OLFM3: variants seen among roughly 807,000 people sequenced by gnomAD.
The protein encoded by OLFM3 is noelin-3.
Under a neutral mutation model 48.6 loss-of-function variants are expected in OLFM3, and 20 were observed. The ratio of observed to expected loss-of-function variants is 0.41; its 90% confidence interval spans 0.29 to 0.60. The LOEUF (loss-of-function observed/expected upper bound fraction) is 0.60. OLFM3 is among the 20% of genes least tolerant of loss of function. The pLI, the probability that OLFM3 is intolerant of heterozygous loss-of-function variation, is 0.28. For missense variants in OLFM3, 437 were observed against 544.3 expected, an observed-to-expected ratio of 0.80 and a Z score of 1.96; for synonymous variants, 222 against 198.1, an observed-to-expected ratio of 1.12 and a Z score of -1.01.
At chr1:101,930,805 G>C (rs752788170) in intron 1 of OLFM3, among the ~76,000 whole-genome samples, 12 of 152,310 alleles carry the variant, frequency 7.9e-5, no homozygotes, top group Non-Finnish European at 1.5e-4. Context: ...ATTTTACCCA[G>C]GGTGGACAGT....
intron 1 of OLFM3, among the ~76,000 whole-genome samples, chr1:101,888,834 G>A (rs182214170): frequency 0.01 from 1,526 of 152,208 alleles, 37 homozygotes; most frequent in African/African-American, 0.035. Context: ...ATCAAAAAGT[G>A]GGCAAAGGAT....
At chr1:101,822,134 G>A (rs1654634052) in intron 4 of OLFM3, among the ~76,000 whole-genome samples, 1 of 151,918 alleles carries the variant, frequency 6.6e-6, no homozygotes, top group Non-Finnish European at 1.5e-5. Flanking sequence ...ATATTTGGGG[G>A]GTTACATGTG....
At chr1:101,961,648 A>G (rs1041757749) in intron 1 of OLFM3, among the ~76,000 whole-genome samples, 1 of 152,158 alleles carries the variant, frequency 6.6e-6, no homozygotes, top group Non-Finnish European at 1.5e-5. Flanking sequence ...AAAACAGAGG[A>G]GATAGCGATT....
At chr1:101,949,332 T>A (rs1660050441) in intron 1 of OLFM3, among the ~76,000 whole-genome samples, 1 of 152,112 alleles carries the variant, frequency 6.6e-6, no homozygotes, top group Admixed American at 6.6e-5. Flanking sequence ...GTATTTTTAT[T>A]TTCCTGAATT....
chr1:101,969,876 A>G (rs1297508814), intron 1 of OLFM3, among the ~76,000 whole-genome samples: 1 of 152,156 alleles, frequency 6.6e-6, no homozygotes, highest in East Asian at 1.9e-4. Flanking sequence ...GGTATTTCTA[A>G]GTGGAGACTT....
intron 1 of OLFM3, among the ~76,000 whole-genome samples, chr1:101,867,633 G>T (rs1656906840): frequency 6.6e-6 from 1 of 152,124 alleles, no homozygotes; most frequent in African/African-American, 2.4e-5. Context: ...TGTACTCCAC[G>T]ATTAGCCATA....
At chr1:101,849,599 G>A (rs554081388) in intron 1 of OLFM3, among the ~76,000 whole-genome samples, 3 of 152,304 alleles carry the variant, frequency 2.0e-5, no homozygotes, top group African/African-American at 7.2e-5. Flanking sequence ...GGCAGGCAGG[G>A]GCTGCAGAGA....
At chr1:101,854,254 C>G (rs1393765289) in intron 1 of OLFM3, among the ~76,000 whole-genome samples, 1 of 121,726 alleles carries the variant, frequency 8.2e-6, no homozygotes, top group African/African-American at 5.1e-5. Context: ...AATTAGGGAC[C>G]ATTTGTAGGT....
chr1:101,878,731 A>G (rs976680068), intron 1 of OLFM3, among the ~76,000 whole-genome samples: 1 of 151,914 alleles, frequency 6.6e-6, no homozygotes, highest in Non-Finnish European at 1.5e-5. Context: ...ACTCATGATG[A>G]TGGCAGAAAA....
intron 1 of OLFM3, among the ~76,000 whole-genome samples, chr1:101,975,008 G>A (rs4554737): frequency 0.25 from 37,705 of 152,036 alleles, 5,251 homozygotes; most frequent in Middle Eastern, 0.36. Context: ...AGTTGATTAC[G>A]ACTTTAATTC....
At chr1:101,913,286 A>T (rs1658818265) in intron 1 of OLFM3, among the ~76,000 whole-genome samples, 1 of 152,204 alleles carries the variant, frequency 6.6e-6, no homozygotes, top group African/African-American at 2.4e-5. Context: ...CTGGATCAGC[A>T]AAGTTTGAGG....
At chr1:101,950,382 T>C (rs574141741) in intron 1 of OLFM3, among the ~76,000 whole-genome samples, 191 of 152,240 alleles carry the variant, frequency 1.3e-3, no homozygotes, top group Non-Finnish European at 2.2e-3. Flanking sequence ...TCCCTTGATG[T>C]AGGTGGATTT....
intron 1 of OLFM3, among the ~76,000 whole-genome samples, chr1:101,933,688 G>T (rs1659526417): frequency 1.3e-5 from 2 of 151,986 alleles, no homozygotes; most frequent in African/African-American, 4.8e-5. Context: ...CCAAATGAAA[G>T]AAAAAATGTT....
intron 1 of OLFM3, among the ~76,000 whole-genome samples, chr1:101,942,777 C>T (rs1271352078): frequency 6.6e-6 from 1 of 152,160 alleles, no homozygotes; most frequent in Non-Finnish European, 1.5e-5. Flanking sequence ...TGAATAATAG[C>T]ATTGCATTAA....
chr1:101,986,840 A>G (rs982698525), intron 1 of OLFM3, among the ~76,000 whole-genome samples: 1 of 152,198 alleles, frequency 6.6e-6, no homozygotes, highest in Admixed American at 6.5e-5. Flanking sequence ...TAGGTCTCAT[A>G]TTAATTAATA....
intron 1 of OLFM3, among the ~76,000 whole-genome samples, chr1:101,990,756 C>A (rs555193764): frequency 6.6e-6 from 1 of 151,290 alleles, no homozygotes; most frequent in South Asian, 2.1e-4. Flanking sequence ...GAGGCTGAGG[C>A]GGCAGATCAC....
intron 4 of OLFM3, among the ~76,000 whole-genome samples, chr1:101,823,934 C>A (rs541798175): frequency 6.7e-6 from 1 of 150,358 alleles, no homozygotes; most frequent in South Asian, 2.1e-4. Context: ...ATTTCCCACA[C>A]TATTTTGAGG....
At chr1:101,832,019 CA>C (rs1655176344) in intron 2 of OLFM3, among the ~76,000 whole-genome samples, 1 of 151,934 alleles carries the variant, frequency 6.6e-6, no homozygotes, top group South Asian at 2.1e-4. Flanking sequence ...TCTCCTGTCT[CA>C]GTCTCCTGAG....
At chr1:101,850,317 A>G (rs1220121774) in intron 1 of OLFM3, among the ~76,000 whole-genome samples, 1 of 152,250 alleles carries the variant, frequency 6.6e-6, no homozygotes, top group South Asian at 2.1e-4. Flanking sequence ...TGATTAATAT[A>G]TTTATTCATT....
Sources: allele counts gnomAD v4.1 joint callset (sites outside exome capture counted in the v4.1 genomes callset), GRCh38; gene constraint gnomAD v4.1.1; transcripts MANE v1.5; gene names NCBI Gene and HGNC (gene_info 2026-07-23, HGNC 2026-07-21).